DNAJC10: variants seen among roughly 807,000 people sequenced by gnomAD.
The protein encoded by DNAJC10 is DnaJ heat shock protein family (Hsp40) member C10, also known as endoplasmic reticulum disulfide reductase DNAJC10.
DNAJC10 carries 101 observed loss-of-function variants against 115.0 expected under a neutral mutation model. The observed-to-expected ratio is 0.88, with a 90% CI of 0.75 to 1.04. The LOEUF is 1.04. Among genes scored for constraint, DNAJC10 ranks in the 50% least tolerant of loss-of-function variants. DNAJC10 has a pLI of 0.00. For missense variants in DNAJC10, 981 were observed against 928.8 expected (o/e 1.06, Z -0.73); for synonymous variants, 307 against 301.5 (o/e 1.02, Z -0.19).
chr2:182,741,126 A>G (rs1424611203), intron 12 of DNAJC10, 117 bp from the exon 13 acceptor site: 1 of 651,710 alleles, frequency 1.5e-6, no homozygotes, highest in Admixed American at 3.5e-5. Context: ...CGAATTTTAG[A>G]CAGTATTTTG....
In DNAJC10 at chr2:182,788,418, T is replaced by G. The variant is rs989358964; in HGVS notation, c.*11286T>G. On this transcript the variant is annotated 3_prime_UTR_variant, in exon 24 of 24. Transcript: ENST00000264065. ...GGTTACCTATGTACCTGTTACCACTTGCAGAAATCAACAGACAAGGTGGAT... is the reference window on the plus strand; with the variant it reads ...GGTTACCTATGTACCTGTTACCACTGGCAGAAATCAACAGACAAGGTGGAT... 4.6e-6 allele frequency: 1 copy of G among 216,364 alleles called. No individual in the cohort carries two copies. The highest frequency in any genetic ancestry group is 7.0e-5 in the South Asian group (1 of 14,262). 13.4% of individuals were successfully genotyped at this position (216,364 alleles called of 1,614,324 possible).
intron 14 of DNAJC10, among the ~76,000 whole-genome samples, chr2:182,748,517 T>C (rs1693930444): frequency 6.6e-6 from 1 of 152,228 alleles, no homozygotes; most frequent in Admixed American, 6.5e-5. Flanking sequence ...TTTATTTGCG[T>C]AGAGGTGTTT....
At chr2:182,764,753 A>T (rs912124224) in intron 22 of DNAJC10, among the ~76,000 whole-genome samples, 2 of 152,094 alleles carry the variant, frequency 1.3e-5, no homozygotes, top group African/African-American at 4.8e-5. Flanking sequence ...CTAGTAATAT[A>T]CTCACCATGG....
At position 182,780,712 on chromosome 2, in the gene DNAJC10, C is replaced by A. The variant is rs1320244416; in HGVS notation, c.*3580C>A. The A allele has an allele frequency of 6.6e-6, 1 of 152,112 alleles. No homozygotes were observed. The highest frequency in any genetic ancestry group is 1.5e-5 in the Non-Finnish European group (1 of 68,024). 9.4% of individuals were successfully genotyped at this position (152,112 alleles called of 1,614,324 possible). On this transcript the variant is annotated 3_prime_UTR_variant, in exon 24 of 24. Transcript: ENST00000264065. ...TTAACACTGAATTTACACTTAGATT[C>A]TTGTACTGTCACTGAGTCCCCTTGT... is the stretch of plus-strand genomic sequence containing the variant.
At chr2:182,763,831 G>A (rs1001003423) in intron 22 of DNAJC10, among the ~76,000 whole-genome samples, 3 of 152,082 alleles carry the variant, frequency 2.0e-5, no homozygotes, top group East Asian at 1.9e-4. Context: ...TCATAGATAC[G>A]TTGGGTGGCA....
At chr2:182,724,675 T>A (rs1388405302) in intron 5 of DNAJC10, among the ~76,000 whole-genome samples, 1 of 152,208 alleles carries the variant, frequency 6.6e-6, no homozygotes, top group Non-Finnish European at 1.5e-5. Context: ...TAATAGAAGC[T>A]GTTAACTGGA....
Position 182,782,025 on chromosome 2 carries a change from G to A in DNAJC10, c.*4893G>A, listed in dbSNP as rs1316441776. 6.6e-6 allele frequency: 1 copy of A among 152,140 alleles called. No homozygotes were observed. Among genetic ancestry groups the A allele is most frequent in the African/African-American group, 2.4e-5 (1 of 41,422 alleles). The allele number at this position is 152,140 out of a possible 1,614,324, so 9.4% of individuals were successfully genotyped here. A position where few individuals can be genotyped will look rare whatever the true frequency, so the allele number is the denominator to read the frequency against. On this transcript the variant is annotated 3_prime_UTR_variant, in exon 24 of 24. Coordinates refer to ENST00000264065, the MANE Select transcript of DNAJC10 (RefSeq NM_018981.4). ...TTCTAGTCATGAAGTCTTTGCCCAT[G>A]CCTATGTCCTGAATGGTGTTGCCTA... is the stretch of plus-strand genomic sequence containing the variant.
intron 7 of DNAJC10, 173 bp downstream of exon 7, chr2:182,729,167 G>C (rs1179356797): frequency 1.5e-5 from 9 of 613,502 alleles, no homozygotes; most frequent in Non-Finnish European, 8.0e-6. Context: ...TTTTTTTTTT[G>C]AGATGGAGTC....
intron 14 of DNAJC10, among the ~76,000 whole-genome samples, chr2:182,747,012 C>G (rs368966448): frequency 6.2e-4 from 95 of 152,148 alleles, no homozygotes; most frequent in African/African-American, 2.2e-3. Context: ...GCTTGTTTTT[C>G]TCAGGTTTGT....
At chr2:182,732,443 AT>A in intron 9 of DNAJC10, 55 bp from the exon 10 acceptor site, 1 of 1,558,886 alleles carries the variant, frequency 6.4e-7, no homozygotes, top group Non-Finnish European at 8.8e-7. Flanking sequence ...AAATGCAAGT[AT>A]TTTCATCAGG....
At chr2:182,745,695 T>TA (rs1275897615) in intron 14 of DNAJC10, among the ~76,000 whole-genome samples, 5 of 151,662 alleles carry the variant, frequency 3.3e-5, no homozygotes, top group Non-Finnish European at 7.4e-5. Context: ...AATTTTTATT[T>TA]TTTTTTTTTA....
In DNAJC10 at chr2:182,727,115, CTT is replaced by C. The variant is rs138035458; in HGVS notation, c.419-1458_419-1457del. Among the ~76,000 whole-genome samples, 1,065 of 150,530 alleles carry C rather than the reference CTT, an allele frequency of 7.1e-3. 11 individuals are homozygous for C. Among genetic ancestry groups the C allele is most frequent in the African/African-American group, 0.025 (1,012 of 40,880 alleles). ...TACACTGTATATAGTGTAAATATAA[CTT>C]TTATATGCACTGGAAAACCAGAAAA... On this transcript the variant is annotated intron_variant, in intron 5 of 23. Coordinates refer to ENST00000264065, the MANE Select transcript of DNAJC10 (RefSeq NM_018981.4).
At chr2:182,749,186 G>T (rs1233067110) in intron 14 of DNAJC10, among the ~76,000 whole-genome samples, 4 of 146,652 alleles carry the variant, frequency 2.7e-5, no homozygotes, top group Non-Finnish European at 6.0e-5. Flanking sequence ...TTGGTGCAGA[G>T]CTGAGTTTAA....
At position 182,775,333 on chromosome 2, in the gene DNAJC10, G is replaced by A. The variant is rs1694677502; in HGVS notation, c.2283G>A (p.Glu761=). The part of the protein sequence containing the change: ...YERAKRNFQE[E]QINTRDAKAI... ...AATTTTAGAGAAATTTTCAAGAAGA[G>A]CAGATAAATACCAGAGATGCAAAAG... Residue 761 remains glutamate, a synonymous_variant, in exon 23 of 24, where the codon GAG becomes GAA. Transcript: ENST00000264065. 1 of 1,608,258 alleles carries A rather than the reference G, an allele frequency of 6.2e-7. No individual in the cohort carries two copies. The highest frequency in any genetic ancestry group is 1.1e-5 in the South Asian group (1 of 90,684).
At position 182,784,501 on chromosome 2, in the gene DNAJC10, T is replaced by TGTATTTCA. The variant is rs1411038166; in HGVS notation, c.*7370_*7377dup. The stretch of plus-strand genomic sequence containing the variant: ...ATTGTTGACCCGTAGAAGCACAGTG[T>TGTATTTCA]GTATTTCAATTGACAAACAGCCAGA... On this transcript the variant is annotated 3_prime_UTR_variant, in exon 24 of 24. Coordinates refer to ENST00000264065, the MANE Select transcript of DNAJC10 (RefSeq NM_018981.4). The TGTATTTCA allele has an allele frequency of 3.3e-5, 5 of 152,160 alleles. No individual in the cohort carries two copies. The highest frequency in any genetic ancestry group is 1.2e-4 in the African/African-American group (5 of 41,434). 9.4% of individuals were successfully genotyped at this position (152,160 alleles called of 1,614,324 possible).
intron 5 of DNAJC10, among the ~76,000 whole-genome samples, chr2:182,723,037 C>CTTTT (rs372893280): frequency 2.9e-4 from 31 of 105,784 alleles, no homozygotes; most frequent in Non-Finnish European, 3.4e-4. Context: ...GCAAGGGTGG[C>CTTTT]TTTTTTTTTT....
At chr2:182,718,591 T>G (rs1025830626) in intron 3 of DNAJC10, among the ~76,000 whole-genome samples, 3 of 152,238 alleles carry the variant, frequency 2.0e-5, no homozygotes, top group Admixed American at 2.0e-4. Context: ...GTAGTTTTCT[T>G]ATTAAAGTAG....
chr2:182,749,567 G>A (rs1693962942), intron 14 of DNAJC10, among the ~76,000 whole-genome samples: 1 of 151,076 alleles, frequency 6.6e-6, no homozygotes, highest in South Asian at 2.1e-4. Flanking sequence ...CATGAGATGG[G>A]TTTCCTGAAT....
intron 5 of DNAJC10, among the ~76,000 whole-genome samples, chr2:182,727,661 A>G (rs1558999060): frequency 6.6e-6 from 1 of 152,168 alleles, no homozygotes; most frequent in Non-Finnish European, 1.5e-5. Flanking sequence ...GTTTCTAATT[A>G]GCCTGAATTA....
Sources: allele counts gnomAD v4.1 joint callset (sites outside exome capture counted in the v4.1 genomes callset), GRCh38; gene constraint gnomAD v4.1.1; transcripts MANE v1.5; gene names NCBI Gene and HGNC (gene_info 2026-07-23, HGNC 2026-07-21).